RP1: variants seen among roughly 807,000 people sequenced by gnomAD.
The protein encoded by RP1 is RP1 axonemal microtubule associated, also known as oxygen-regulated protein 1.
A neutral mutation model predicts 14.8 loss-of-function variants in RP1; 16 were observed. That is an observed-to-expected ratio of 1.08 (90% CI 0.73 to 1.65). The LOEUF (loss-of-function observed/expected upper bound fraction) is 1.65, where lower values mean the gene tolerates loss of function less well. Ranked by LOEUF, RP1 falls within the 40% of genes most tolerant of loss-of-function variation. RP1 has a pLI of 0.00. For synonymous variants in RP1, 876 were observed against 883.6 expected, an observed-to-expected ratio of 0.99 and a Z score of 0.15; for missense variants, 2,631 against 2,535.0, an observed-to-expected ratio of 1.04 and a Z score of -0.81.
At chr8:54,827,914 A>T (rs1352539662) in intron 24 of RP1, among the ~76,000 whole-genome samples, 1 of 151,946 alleles carries the variant, frequency 6.6e-6, no homozygotes, top group Non-Finnish European at 1.5e-5. Flanking sequence ...AAAAAGTAGT[A>T]ATTATTTTTT....
intron 24 of RP1, among the ~76,000 whole-genome samples, chr8:54,794,331 C>A (rs564870768): frequency 1.2e-4 from 18 of 151,540 alleles, no homozygotes; most frequent in African/African-American, 4.1e-4. Flanking sequence ...GCCATAAAAA[C>A]TAAAATAGTA....
intron 7 of RP1, among the ~76,000 whole-genome samples, chr8:54,668,306 T>C (rs991340049): frequency 1.3e-5 from 2 of 152,136 alleles, no homozygotes. Context: ...CACCTAGGAA[T>C]ACAACTTACA....
chr8:54,668,649 A>AAC (rs1355152533), intron 7 of RP1, among the ~76,000 whole-genome samples: 1 of 152,148 alleles, frequency 6.6e-6, no homozygotes, highest in East Asian at 1.9e-4. Flanking sequence ...CAGTAACCAA[A>AAC]ACAGCATGGT....
In RP1 at chr8:54,621,577, G is replaced by T; in HGVS notation, c.611G>T (p.Arg204Met). ...PVVKLYATDG[R>M]RVPSLQAVIL... ...GTCAAGCTGTACGCTACGGACGGAA[G>T]GAGGGTGAGCGTTCTGGGGGCTCCT... Residue 204 changes from arginine to methionine, a missense_variant, in exon 2 of 4, where the codon AGG becomes ATG. Transcript: ENST00000220676. 1 of 1,614,160 alleles carries T rather than the reference G, an allele frequency of 6.2e-7. No homozygotes were observed. The highest frequency in any genetic ancestry group is 1.3e-5 in the African/African-American group (1 of 75,058).
rs1424136474 is a variant in RP1 at position 54,617,408 on chromosome 8, C to T, written c.-13+1206C>T. On this transcript the variant is annotated intron_variant, in intron 1 of 3. Transcript: ENST00000220676. ...CTAAATTTCCATGCAAATTCTGATT[C>T]GTTCTTAAAACTGATTAAGAATGGA... 4.6e-5 allele frequency among the ~76,000 whole-genome samples: 7 copies of T among 152,204 alleles called. No homozygotes were observed. In the South Asian group the frequency reaches 1.0e-3, roughly 22 times the overall value.
At chr8:54,649,258 T>A in intron 4 of RP1, 2 of 838,774 alleles carry the variant, frequency 2.4e-6, no homozygotes, top group South Asian at 4.6e-5. Context: ...CTGTAGAAGA[T>A]CATTCAAAAA....
chr8:54,613,185 C>G (rs1220025361), upstream of RP1, among the ~76,000 whole-genome samples: 1 of 152,078 alleles, frequency 6.6e-6, no homozygotes, highest in Non-Finnish European at 1.5e-5. Context: ...AAGGTAGAGG[C>G]CATTTAGGTT....
chr8:54,662,494 C>A (rs1191278844), intron 6 of RP1, among the ~76,000 whole-genome samples: 1 of 152,194 alleles, frequency 6.6e-6, no homozygotes, highest in Non-Finnish European at 1.5e-5. Context: ...AGAAAGTTCT[C>A]TCCTTCAGAA....
chr8:54,729,045 A>G (rs1266661440), intron 17 of RP1, among the ~76,000 whole-genome samples: 1 of 152,230 alleles, frequency 6.6e-6, no homozygotes, highest in Non-Finnish European at 1.5e-5. Context: ...AAGTGAGAAT[A>G]TACATTACTT....
At chr8:54,732,606 ATG>A (rs1487924471) in intron 17 of RP1, among the ~76,000 whole-genome samples, 1 of 152,188 alleles carries the variant, frequency 6.6e-6, no homozygotes, top group Non-Finnish European at 1.5e-5. Context: ...ACATCCTAAA[ATG>A]TCAGCCATTG....
intron 5 of RP1, chr8:54,653,012 C>A: frequency 2.0e-6 from 1 of 506,932 alleles, no homozygotes; most frequent in Non-Finnish European, 3.5e-6. Flanking sequence ...ATCATATGCC[C>A]TTAATAATTA....
At chr8:54,753,461 C>A (rs1809423465) in intron 19 of RP1, among the ~76,000 whole-genome samples, 1 of 152,022 alleles carries the variant, frequency 6.6e-6, no homozygotes, top group South Asian at 2.1e-4. Flanking sequence ...ACCGAGGGCT[C>A]ACAAAAAACT....
intron 19 of RP1, among the ~76,000 whole-genome samples, chr8:54,749,515 C>G (rs1185184161): frequency 6.6e-6 from 1 of 152,102 alleles, no homozygotes; most frequent in Non-Finnish European, 1.5e-5. Flanking sequence ...CCCACTGGAC[C>G]TGATCCTTGC....
At chr8:54,667,426 G>C (rs1026453806) in intron 7 of RP1, among the ~76,000 whole-genome samples, 1 of 152,140 alleles carries the variant, frequency 6.6e-6, no homozygotes, top group African/African-American at 2.4e-5. Flanking sequence ...GAAAAACAGA[G>C]GCCAGCCCTG....
chr8:54,635,425 T>A (rs1229671419), downstream of RP1, among the ~76,000 whole-genome samples: 1 of 152,224 alleles, frequency 6.6e-6, no homozygotes, highest in Non-Finnish European at 1.5e-5. Context: ...GATAGGATGG[T>A]AGGTTCATGG....
upstream of RP1, among the ~76,000 whole-genome samples, chr8:54,615,547 G>A (rs947505381): frequency 6.6e-6 from 1 of 152,144 alleles, no homozygotes; most frequent in Admixed American, 6.5e-5. Flanking sequence ...AGCGTGCTGG[G>A]TATGCAGAAG....
chr8:54,572,941 A>G (rs1804553618), intron 1 of RP1, among the ~76,000 whole-genome samples: 1 of 152,170 alleles, frequency 6.6e-6, no homozygotes, highest in Non-Finnish European at 1.5e-5. Flanking sequence ...ACCAAATCAG[A>G]GTGTCAGTTG....
At chr8:54,621,681 TC>T in intron 2 of RP1, 100 bp downstream of exon 2, 1 of 1,551,386 alleles carries the variant, frequency 6.4e-7, no homozygotes, top group South Asian at 1.1e-5. Flanking sequence ...AAGGAAATCT[TC>T]CTTCCTCCCT....
At chr8:54,573,635 G>GA (rs1804577494) in intron 1 of RP1, among the ~76,000 whole-genome samples, 2 of 152,046 alleles carry the variant, frequency 1.3e-5, no homozygotes, top group Non-Finnish European at 2.9e-5. Context: ...ATAAATACAA[G>GA]AAGTCCCACT....
Sources: gnomAD v4.1 joint callset for allele counts (sites outside exome capture counted in the v4.1 genomes callset) on GRCh38, gnomAD v4.1.1 for gene constraint, MANE v1.5 for transcripts, NCBI Gene and HGNC (gene_info 2026-07-23, HGNC 2026-07-21) for gene names.